The following UVRAG variants were observed in gnomAD, a reference collection of about 807,000 sequenced individuals.
UVRAG encodes UV radiation resistance associated.
In UVRAG, 19 loss-of-function variants were observed where a neutral mutation model predicts 78.0. The ratio of observed to expected loss-of-function variants is 0.24; its 90% CI spans 0.17 to 0.36. UVRAG has a LOEUF of 0.36. UVRAG is among the 10% of genes least tolerant of loss of function. The pLI, the probability that UVRAG is intolerant of heterozygous loss-of-function variation, is 1.00. For missense variants in UVRAG, 740 were observed against 853.8 expected, an observed-to-expected ratio of 0.87 and a Z score of 1.66; for synonymous variants, 323 against 324.6, an observed-to-expected ratio of 1.00 and a Z score of 0.05.
At chr11:75,930,927 T>TTTTTTTTCTTTCTTTCTTTC (rs752762673) in intron 6 of UVRAG, 1 of 117,404 alleles carries the variant, frequency 8.5e-6, no homozygotes, top group African/African-American at 3.2e-5. Flanking sequence ...AGTGTCGGGA[T>TTTTTTTTCTTTCTTTCTTTC]TTTCTTTCTT....
chr11:76,126,035 C>T (rs911450257), intron 14 of UVRAG, among the ~76,000 whole-genome samples: 9 of 151,450 alleles, frequency 5.9e-5, no homozygotes, highest in Admixed American at 2.0e-4. Context: ...CTGCAAGCTC[C>T]GCCTCCCGGG....
chr11:75,850,853 A>C (rs1052824597), intron 1 of UVRAG, among the ~76,000 whole-genome samples: 5 of 152,222 alleles, frequency 3.3e-5, no homozygotes, highest in Non-Finnish European at 7.3e-5. Flanking sequence ...AATTTATTAG[A>C]CAATAACCTT....
intron 9 of UVRAG, among the ~76,000 whole-genome samples, chr11:76,006,640 GT>G (rs1210736857): frequency 9.8e-6 from 1 of 102,400 alleles, no homozygotes; most frequent in Non-Finnish European, 1.8e-5. Context: ...CAGCCTGAGT[GT>G]TAAAGTGAGA....
intron 13 of UVRAG, among the ~76,000 whole-genome samples, chr11:76,066,040 C>T (rs1446148650): frequency 1.3e-5 from 2 of 152,160 alleles, no homozygotes; most frequent in Non-Finnish European, 2.9e-5. Context: ...TGTATTTTTA[C>T]TTGCTGGTAG....
chr11:75,871,161 C>T (rs1380074), intron 3 of UVRAG, among the ~76,000 whole-genome samples: 1 of 151,262 alleles, frequency 6.6e-6, no homozygotes, highest in Non-Finnish European at 1.5e-5. Context: ...AGCATGCGCC[C>T]CTGCGCCCGG....
intron 5 of UVRAG, among the ~76,000 whole-genome samples, chr11:75,909,209 T>C (rs1219910977): frequency 6.6e-6 from 1 of 151,830 alleles, no homozygotes; most frequent in Non-Finnish European, 1.5e-5. Context: ...TAGCTGGGCG[T>C]GGTGGTGCAT....
Position 76,053,344 on chromosome 11 carries a change from A to ACACACAC in UVRAG, c.1227-12366_1227-12365insCACACAC, listed in dbSNP as rs60133924. On this transcript the variant is annotated intron_variant, in intron 12 of 14. Transcript: ENST00000356136. ...ACACACACACACACACACACACACAAAAATAAATATGCACCTGCTCCTTCT... is the reference window on the plus strand; with the variant it reads ...ACACACACACACACACACACACACAACACACACAAATAAATATGCACCTGCTCCTTCT... 6.9e-3 allele frequency among the ~76,000 whole-genome samples: 978 copies of ACACACAC among 142,380 alleles called. 18 individuals carry two copies. Among genetic ancestry groups the ACACACAC allele is most frequent in the African/African-American group, 0.025 (926 of 36,828 alleles). 93.4% of individuals were successfully genotyped at this position (142,380 alleles called of 152,430 possible).
At chr11:75,935,453 A>G (rs374808792) in intron 6 of UVRAG, among the ~76,000 whole-genome samples, 15 of 152,252 alleles carry the variant, frequency 9.9e-5, no homozygotes, top group East Asian at 5.8e-4. Context: ...CAGCTAGGAA[A>G]AAAGGCAATC....
chr11:76,025,051 A>G (rs1406556292), intron 12 of UVRAG, among the ~76,000 whole-genome samples: 1 of 152,188 alleles, frequency 6.6e-6, no homozygotes, highest in Non-Finnish European at 1.5e-5. Context: ...CTGGAAGAGA[A>G]AAAGACCGAT....
rs554881778 is a variant in UVRAG, at chr11:76,016,917, A to T, written c.1163A>T (p.His388Leu). 1 of 1,611,672 alleles carries T rather than the reference A, an allele frequency of 6.2e-7. No homozygotes were observed. The highest frequency in any genetic ancestry group is 1.1e-5 in the South Asian group (1 of 90,792). ...GTGCCCCTCAGATATCCTATAATTC[A>T]TAAGGGGTCTAGATCAACAATCAAA... Reference protein sequence around the residue: ...LQVPLRYPIIHKGSRSTIKDN... With the variant: ...LQVPLRYPIILKGSRSTIKDN... Residue 388 changes from histidine to leucine, a missense_variant, in exon 12 of 15, where the codon CAT becomes CTT. Coordinates refer to ENST00000356136, the MANE Select transcript of UVRAG (RefSeq NM_003369.4).
intron 8 of UVRAG, among the ~76,000 whole-genome samples, chr11:76,002,198 A>G (rs960095189): frequency 1.3e-5 from 2 of 152,184 alleles, no homozygotes; most frequent in Non-Finnish European, 2.9e-5. Flanking sequence ...TTTCTGGAGT[A>G]TCTTCAAATA....
chr11:75,859,300 C>T (rs1048479071), intron 2 of UVRAG, among the ~76,000 whole-genome samples: 1 of 151,190 alleles, frequency 6.6e-6, no homozygotes, highest in Admixed American at 6.6e-5. Flanking sequence ...CACTTGAACC[C>T]GGGAGGCGGA....
At chr11:75,858,384 C>T (rs1341775010) in intron 2 of UVRAG, among the ~76,000 whole-genome samples, 4 of 151,992 alleles carry the variant, frequency 2.6e-5, no homozygotes, top group Non-Finnish European at 4.4e-5. Flanking sequence ...GTTTCTGTAC[C>T]TTGCATTTTT....
intron 12 of UVRAG, among the ~76,000 whole-genome samples, chr11:76,060,589 C>G (rs1951065016): frequency 6.6e-6 from 1 of 152,232 alleles, no homozygotes; most frequent in East Asian, 1.9e-4. Context: ...GGAACCAGGG[C>G]TGCAGCACGG....
chr11:76,016,134 T>C (rs1950141230), intron 11 of UVRAG, among the ~76,000 whole-genome samples: 1 of 152,226 alleles, frequency 6.6e-6, no homozygotes, highest in South Asian at 2.1e-4. Context: ...TAGATGCTTA[T>C]GTCTGATTAT....
intron 9 of UVRAG, among the ~76,000 whole-genome samples, chr11:76,006,694 A>G (rs1041952152): frequency 4.7e-4 from 67 of 142,248 alleles, no homozygotes; most frequent in Middle Eastern, 3.6e-3. Flanking sequence ...AAAGAGAGAG[A>G]GAAGGGTAAT....
intron 3 of UVRAG, among the ~76,000 whole-genome samples, chr11:75,866,376 T>TAAAATA (rs1555077122): frequency 2.7e-5 from 4 of 150,238 alleles, no homozygotes; most frequent in African/African-American, 9.9e-5. Context: ...AATAAATAAA[T>TAAAATA]AAATAAAATA....
At chr11:76,000,023 C>T (rs1949781168) in intron 8 of UVRAG, among the ~76,000 whole-genome samples, 1 of 151,938 alleles carries the variant, frequency 6.6e-6, no homozygotes, top group African/African-American at 2.4e-5. Flanking sequence ...AACCAATAAA[C>T]ATTTTTAAAG....
intron 6 of UVRAG, among the ~76,000 whole-genome samples, chr11:75,919,459 C>A (rs900908525): frequency 6.6e-6 from 1 of 151,762 alleles, no homozygotes; most frequent in Non-Finnish European, 1.5e-5. Context: ...CAGCAAGAAG[C>A]GAAAGCTGAT....
Sources: gnomAD v4.1 joint callset for allele counts (sites outside exome capture counted in the v4.1 genomes callset) on GRCh38, gnomAD v4.1.1 for gene constraint, MANE v1.5 for transcripts, NCBI Gene and HGNC (gene_info 2026-07-23, HGNC 2026-07-21) for gene names.